The following IGF1R variants were observed in gnomAD, a reference collection of about 807,000 sequenced individuals.
The protein encoded by IGF1R is insulin like growth factor 1 receptor, also known as insulin-like growth factor 1 receptor.
In IGF1R, 44 loss-of-function variants were observed where a neutral mutation model predicts 144.6. That is an observed-to-expected ratio of 0.30 (90% confidence interval 0.24 to 0.39). The LOEUF (loss-of-function observed/expected upper bound fraction) is 0.39. IGF1R is among the 10% of genes least tolerant of loss of function. The pLI is 1.00. For synonymous variants in IGF1R, 795 were observed against 722.8 expected (o/e 1.10, Z -1.60); for missense variants, 1,355 against 1,833.7 (o/e 0.74, Z 4.77).
intron 3 of IGF1R, among the ~76,000 whole-genome samples, chr15:98,895,511 C>T (rs992661701): frequency 1.3e-5 from 2 of 152,030 alleles, no homozygotes; most frequent in African/African-American, 4.8e-5. Context: ...TCTACCCAGG[C>T]TGGAAATGAG....
In IGF1R at chr15:98,790,782, T is replaced by C. The variant is rs1038227366; in HGVS notation, c.640+82675T>C. Among the ~76,000 whole-genome samples, 9 of 152,238 alleles carry C rather than the reference T, an allele frequency of 5.9e-5. 1 individual carries two copies. The highest frequency in any genetic ancestry group is 5.2e-4 in the Admixed American group (8 of 15,282). On this transcript the variant is annotated intron_variant, in intron 2 of 20. Coordinates refer to ENST00000650285, the MANE Select transcript of IGF1R (RefSeq NM_000875.5). ...TTACAAAATTTAGTTTTCTTTCTTATTTTTCTTTCCATGTTGACTCAGTAG... is the reference window on the plus strand; with the variant it reads ...TTACAAAATTTAGTTTTCTTTCTTACTTTTCTTTCCATGTTGACTCAGTAG...
intron 3 of IGF1R, among the ~76,000 whole-genome samples, chr15:98,892,586 A>G (rs1521483): frequency 0.057 from 8,598 of 151,834 alleles, 430 homozygotes; most frequent in East Asian, 0.14. Context: ...CCTTTTGTAC[A>G]TGTCAACTGG....
intron 15 of IGF1R, among the ~76,000 whole-genome samples, chr15:98,934,292 C>A (rs1425518629): frequency 6.6e-6 from 1 of 152,054 alleles, no homozygotes; most frequent in African/African-American, 2.4e-5. Flanking sequence ...AGAAGTAGGA[C>A]CTTACGTGCA....
intron 1 of IGF1R, among the ~76,000 whole-genome samples, chr15:98,702,166 G>T (rs116612910): frequency 0.011 from 1,590 of 148,692 alleles, 31 homozygotes; most frequent in African/African-American, 0.038. Context: ...CTTTTCTTTA[G>T]CCCTTCTCAT....
rs139323694 is a variant in IGF1R, at chr15:98,746,063, G to A, written c.640+37956G>A. ...CTGAGAGAAACCACAAGTATGCCCT[G>A]CACCCCTGTGAATAGATCTCCAGTA... On this transcript the variant is annotated intron_variant, in intron 2 of 20. Transcript: ENST00000650285. 2.1e-3 allele frequency among the ~76,000 whole-genome samples: 322 copies of A among 152,302 alleles called. 1 individual carries two copies. Among genetic ancestry groups the A allele is most frequent in the Admixed American group, 3.5e-3 (54 of 15,292 alleles).
chr15:98,926,890 A>G (rs79250809), intron 13 of IGF1R, among the ~76,000 whole-genome samples: 1 of 152,200 alleles, frequency 6.6e-6, no homozygotes, highest in South Asian at 2.1e-4. Flanking sequence ...CAGAAGCTTC[A>G]TAATATTCCT....
At chr15:98,853,157 G>A (rs1281693352) in intron 2 of IGF1R, among the ~76,000 whole-genome samples, 1 of 152,022 alleles carries the variant, frequency 6.6e-6, no homozygotes. Flanking sequence ...TTCCACGATG[G>A]GTCTTGAATC....
chr15:98,813,673 A>G (rs895615316), intron 2 of IGF1R, among the ~76,000 whole-genome samples: 2 of 152,210 alleles, frequency 1.3e-5, no homozygotes, highest in African/African-American at 4.8e-5. Context: ...AGTAAACCCT[A>G]CATCTTAAAA....
chr15:98,670,509 A>T (rs1453461043), intron 1 of IGF1R, among the ~76,000 whole-genome samples: 1 of 152,182 alleles, frequency 6.6e-6, no homozygotes, highest in Non-Finnish European at 1.5e-5. Flanking sequence ...AGAGCAAAAA[A>T]AATCCCTTAC....
Position 98,707,794 on chromosome 15 carries a change from G to T in IGF1R, c.327G>T (p.Trp109Cys). Residue 109 changes from tryptophan (W) to cysteine (C), a missense_variant, in exon 2 of 21, where the codon TGG (tryptophan) becomes TGT (cysteine). Around this residue, in one of 7 missense-constraint regions of IGF1R, gnomAD observed 75 missense variants for 160.0 expected, o/e 0.47. Transcript: ENST00000650285. The surrounding 1 kb of genome is among the most constrained non-coding windows in gnomAD (Gnocchi z 6.7). ...CCAACCTCACGGTCATCCGCGGCTGGAAACTCTTCTACAACTACGCCCTGG... is the reference window on the plus strand; with the variant it reads ...CCAACCTCACGGTCATCCGCGGCTGTAAACTCTTCTACAACTACGCCCTGG... ...LFPNLTVIRG[W>C]KLFYNYALVI... 1 of 1,614,196 alleles carries T rather than the reference G, an allele frequency of 6.2e-7. No individual in the cohort carries two copies. Among genetic ancestry groups the T allele is most frequent in the Non-Finnish European group, 8.5e-7 (1 of 1,180,024 alleles).
At chr15:98,696,293 C>G (rs2053596374) in intron 1 of IGF1R, among the ~76,000 whole-genome samples, 1 of 152,112 alleles carries the variant, frequency 6.6e-6, no homozygotes. Context: ...TCTGTGCCAT[C>G]GTTCAAGTAA....
At chr15:98,786,250 CA>C (rs1396097651) in intron 2 of IGF1R, among the ~76,000 whole-genome samples, 2 of 152,206 alleles carry the variant, frequency 1.3e-5, no homozygotes, top group African/African-American at 4.8e-5. Context: ...ACACTTAGAA[CA>C]AGGTGGAGGA....
chr15:98,844,383 G>A (rs1473371840), intron 2 of IGF1R, among the ~76,000 whole-genome samples: 1 of 152,152 alleles, frequency 6.6e-6, no homozygotes, highest in Non-Finnish European at 1.5e-5. Context: ...TCTAAGTCCT[G>A]AACATCTTTC....
intron 1 of IGF1R, among the ~76,000 whole-genome samples, chr15:98,673,504 T>C (rs2052951694): frequency 6.6e-6 from 1 of 152,242 alleles, no homozygotes; most frequent in South Asian, 2.1e-4. Context: ...GCAGTGACTT[T>C]TTAGTTGTTT....
chr15:98,731,088 C>T (rs1426182882), intron 2 of IGF1R, among the ~76,000 whole-genome samples: 1 of 152,196 alleles, frequency 6.6e-6, no homozygotes, highest in African/African-American at 2.4e-5. Context: ...CTAAAAGGCC[C>T]TATGAGATCC....
intron 2 of IGF1R, among the ~76,000 whole-genome samples, chr15:98,845,133 G>A (rs2011261120): frequency 6.6e-6 from 1 of 151,866 alleles, no homozygotes; most frequent in Non-Finnish European, 1.5e-5. Context: ...TTCAGTAGAC[G>A]GTCAGTAGCA....
intron 2 of IGF1R, among the ~76,000 whole-genome samples, chr15:98,871,588 G>A (rs1787037872): frequency 6.6e-6 from 1 of 152,176 alleles, no homozygotes; most frequent in African/African-American, 2.4e-5. Context: ...GAAGTTTATT[G>A]GACTCACAGT....
chr15:98,766,776 A>G (rs2055447980), intron 2 of IGF1R, among the ~76,000 whole-genome samples: 1 of 152,214 alleles, frequency 6.6e-6, no homozygotes, highest in Admixed American at 6.5e-5. Context: ...ACCACCTTCA[A>G]CTGTTTTGTC....
chr15:98,879,893 G>A (rs2141627018), intron 2 of IGF1R, among the ~76,000 whole-genome samples: 1 of 152,304 alleles, frequency 6.6e-6, no homozygotes, highest in East Asian at 1.9e-4. Flanking sequence ...ACTACCTATT[G>A]TCTGATTCCA....
Sources: gnomAD v4.1 joint callset for allele counts (sites outside exome capture counted in the v4.1 genomes callset) on GRCh38, gnomAD v4.1.1 for gene constraint, gnomAD v4.1.1 regional missense constraint, Gnocchi (gnomAD v3.1) non-coding constraint, MANE v1.5 for transcripts, NCBI Gene and HGNC (gene_info 2026-07-23, HGNC 2026-07-21) for gene names.